The following FGF10 variants were observed in gnomAD, a reference collection of about 807,000 sequenced individuals.
The protein encoded by FGF10 is FGF-10.
In FGF10, 2 loss-of-function variants were observed where a neutral mutation model predicts 19.8. The observed-to-expected ratio is 0.10, with a 90% confidence interval of 0.04 to 0.32. The LOEUF (loss-of-function observed/expected upper bound fraction) is 0.32, where lower values mean the gene tolerates loss of function less well. Among genes scored for constraint, FGF10 ranks in the 10% least tolerant of loss-of-function variants. The probability of loss-of-function intolerance (pLI) is 1.00; values close to 1 mark genes in which losing one functional copy is unlikely to be tolerated. For synonymous variants in FGF10, 112 were observed against 94.0 expected, an observed-to-expected ratio of 1.19 and a Z score of -1.10; for missense variants, 191 against 246.3, an observed-to-expected ratio of 0.78 and a Z score of 1.50.
rs776991391 is a variant in FGF10 at position 44,302,278 on chromosome 5, C to CCTTG, written c.*2713_*2716dup. 4.8e-5 allele frequency among the ~76,000 whole-genome samples: 6 copies of CCTTG among 125,502 alleles called. No individual in the cohort carries two copies. The highest frequency in any genetic ancestry group is 1.7e-4 in the African/African-American group (5 of 29,268). 82.3% of individuals were successfully genotyped at this position (125,502 alleles called of 152,430 possible). A position where few individuals can be genotyped will look rare whatever the true frequency, so the allele number is the denominator to read the frequency against. On this transcript the variant is annotated 3_prime_UTR_variant, in exon 3 of 3. Coordinates refer to ENST00000264664, the MANE Select transcript of FGF10 (RefSeq NM_004465.2). The stretch of plus-strand genomic sequence containing the variant: ...CCCTTCTTTCCTTCCTTCCTTCTTT[C>CCTTG]CTTGCTTCCTTCCTTCCTTCCTTCC...
rs1422503020 is a variant in FGF10, at chr5:44,300,249, T to A, written c.*4746A>T. ...AATGTAGTAAAAGACAAAGCAGGTT[T>A]TTTTCTGTTTTTTTTTTATTTTACA... On this transcript the variant is annotated 3_prime_UTR_variant, in exon 3 of 3. Transcript: ENST00000264664. Among the ~76,000 whole-genome samples, 12 of 132,138 alleles carry A rather than the reference T, an allele frequency of 9.1e-5. No homozygotes were observed. Among genetic ancestry groups the A allele is most frequent in the Non-Finnish European group, 1.6e-5 (1 of 60,746 alleles). 86.7% of individuals were successfully genotyped at this position (132,138 alleles called of 152,430 possible). A position where few individuals can be genotyped will look rare whatever the true frequency, so the allele number is the denominator to read the frequency against.
At chr5:44,305,316 T>G (rs1740050953) in intron 2 of FGF10, 124 bp from the exon 3 acceptor site, 1 of 792,962 alleles carries the variant, frequency 1.3e-6, no homozygotes, top group African/African-American at 1.7e-5. Flanking sequence ...ACCTAAGTTG[T>G]GCACTTAATA....
intron 1 of FGF10, among the ~76,000 whole-genome samples, chr5:44,369,984 T>C (rs374129800): frequency 2.6e-5 from 4 of 152,252 alleles, no homozygotes; most frequent in East Asian, 3.9e-4. Context: ...TTAGAGATTA[T>C]TAAAGTTCAG....
At chr5:44,377,579 T>A (rs952181636) in intron 1 of FGF10, among the ~76,000 whole-genome samples, 3 of 152,230 alleles carry the variant, frequency 2.0e-5, no homozygotes, top group Non-Finnish European at 4.4e-5. Flanking sequence ...CTTTTAACCT[T>A]TTACAGCTTG....
At position 44,360,231 on chromosome 5, in the gene FGF10, C is replaced by A. The variant is rs1741449377; in HGVS notation, c.325+28127G>T. On this transcript the variant is annotated intron_variant, in intron 1 of 2. Transcript: ENST00000264664. Reference sequence around the variant, plus strand: ...GACAGCTTAATCACATCAGAAGAATCTTTAATTAAAACAGGTTTCACTTAA... The same window carrying A: ...GACAGCTTAATCACATCAGAAGAATATTTAATTAAAACAGGTTTCACTTAA... Among the ~76,000 whole-genome samples the A allele has an allele frequency of 2.0e-5, 3 of 151,690 alleles. No homozygotes were observed. The South Asian group carries it at 6.2e-4, about 31-fold the overall frequency.
chr5:44,308,642 G>A (rs1031134852), intron 2 of FGF10, among the ~76,000 whole-genome samples: 3 of 151,974 alleles, frequency 2.0e-5, no homozygotes, highest in Admixed American at 1.3e-4. Context: ...GGTTCATTAG[G>A]GGAGCAATGG....
chr5:44,305,245 A>G lies in FGF10; in HGVS notation c.430-53T>C, dbSNP rs1740049025. 13 of 1,549,106 alleles carry G rather than the reference A, an allele frequency of 8.4e-6. No homozygotes were observed. In the South Asian group the frequency reaches 1.5e-4, roughly 17 times the overall value. The stretch of plus-strand genomic sequence containing the variant: ...TCCTATGGTGATTGTACTTGATTTC[A>G]TTTGATACAAGCCATCCAGAGAACT... On this transcript the variant is annotated intron_variant, in intron 2 of 2. Coordinates refer to ENST00000264664, the MANE Select transcript of FGF10 (RefSeq NM_004465.2).
chr5:44,378,599 T>C (rs189683815), intron 1 of FGF10, among the ~76,000 whole-genome samples: 3 of 152,072 alleles, frequency 2.0e-5, no homozygotes, highest in South Asian at 2.1e-4. Context: ...GCCCGGCTAA[T>C]TTTTTGTATT....
chr5:44,309,310 T>C (rs1401408755), intron 2 of FGF10, among the ~76,000 whole-genome samples: 1 of 152,144 alleles, frequency 6.6e-6, no homozygotes, highest in African/African-American at 2.4e-5. Flanking sequence ...GATCTGTCTC[T>C]GGGAGGGACA....
At chr5:44,332,989 C>T (rs1255913355) in intron 1 of FGF10, among the ~76,000 whole-genome samples, 1 of 152,050 alleles carries the variant, frequency 6.6e-6, no homozygotes, top group African/African-American at 2.4e-5. Context: ...CTAGCAATCT[C>T]TAGAAAGTTT....
rs568889787 is a variant in FGF10 at position 44,359,077 on chromosome 5, T to TTA, written c.325+29279_325+29280dup. On this transcript the variant is annotated intron_variant, in intron 1 of 2. Coordinates refer to ENST00000264664, the MANE Select transcript of FGF10 (RefSeq NM_004465.2). ...TTTTAGCAGTTGATTATGTGCAGTG[T>TTA]TATACCCCAATGAGAGCCTCCTAAC... is the stretch of plus-strand genomic sequence containing the variant. 1.3e-4 allele frequency among the ~76,000 whole-genome samples: 20 copies of TTA among 151,578 alleles called. No homozygotes were observed. In the East Asian group the frequency reaches 3.9e-3, roughly 30 times the overall value.
chr5:44,318,835 C>A (rs977088449), intron 1 of FGF10, among the ~76,000 whole-genome samples: 23 of 152,112 alleles, frequency 1.5e-4, no homozygotes, highest in African/African-American at 5.1e-4. Flanking sequence ...TATGTTCAAT[C>A]AAAACCTCTG....
chr5:44,376,518 C>CAAAAACAAAAA (rs1741867183), intron 1 of FGF10, among the ~76,000 whole-genome samples: 1 of 72,694 alleles, frequency 1.4e-5, no homozygotes, highest in African/African-American at 4.8e-5. Flanking sequence ...AAAAAAAAAA[C>CAAAAACAAAAA]AAAAAACCCA....
chr5:44,344,564 T>TTCTC (rs1240046340), intron 1 of FGF10, among the ~76,000 whole-genome samples: 1 of 33,080 alleles, frequency 3.0e-5, no homozygotes, highest in Non-Finnish European at 7.8e-5. Context: ...CTGTTTTGTT[T>TTCTC]TCTCTGTGTG....
chr5:44,325,629 A>G (rs1239723103), intron 1 of FGF10, among the ~76,000 whole-genome samples: 2 of 152,006 alleles, frequency 1.3e-5, no homozygotes, highest in Admixed American at 6.6e-5. Flanking sequence ...GCAAACTATC[A>G]CAAGGACAAA....
At chr5:44,323,816 C>G (rs1740551559) in intron 1 of FGF10, among the ~76,000 whole-genome samples, 1 of 152,004 alleles carries the variant, frequency 6.6e-6, no homozygotes, top group Non-Finnish European at 1.5e-5. Context: ...GTAGTATGTT[C>G]TTGAGAAAGT....
At chr5:44,324,863 T>A (rs1419185351) in intron 1 of FGF10, among the ~76,000 whole-genome samples, 1 of 152,190 alleles carries the variant, frequency 6.6e-6, no homozygotes, top group East Asian at 1.9e-4. Context: ...ATAAGCAACA[T>A]CCAACAGTTT....
chr5:44,365,336 C>A (rs1369927702), intron 1 of FGF10, among the ~76,000 whole-genome samples: 3 of 129,048 alleles, frequency 2.3e-5, no homozygotes, highest in African/African-American at 8.7e-5. Flanking sequence ...TCAATTTCAT[C>A]CTCAAATAAT....
intron 1 of FGF10, among the ~76,000 whole-genome samples, chr5:44,310,867 A>C (rs973695551): frequency 2.0e-5 from 3 of 152,114 alleles, no homozygotes; most frequent in Non-Finnish European, 4.4e-5. Context: ...AACTCTACTC[A>C]TCTTAGCCTA....
Sources: allele counts gnomAD v4.1 joint callset (sites outside exome capture counted in the v4.1 genomes callset), GRCh38; gene constraint gnomAD v4.1.1; transcripts MANE v1.5; gene names NCBI Gene and HGNC (gene_info 2026-07-23, HGNC 2026-07-21).